The following NLGN1 variants were observed in gnomAD, a reference collection of about 807,000 sequenced individuals.
The protein encoded by NLGN1 is neuroligin-1.
A neutral mutation model predicts 65.5 loss-of-function variants in NLGN1; 12 were observed. The observed-to-expected ratio is 0.18, with a 90% CI of 0.12 to 0.30. NLGN1 has a LOEUF of 0.30. NLGN1 is among the 10% of genes least tolerant of loss of function. NLGN1 has a pLI of 1.00. For synonymous variants in NLGN1, 350 were observed against 359.5 expected (o/e 0.97, Z 0.30); for missense variants, 750 against 1,007.1 (o/e 0.74, Z 3.46).
chr3:173,453,239 C>T (rs1173205616), intron 2 of NLGN1, among the ~76,000 whole-genome samples: 1 of 151,746 alleles, frequency 6.6e-6, no homozygotes, highest in Admixed American at 6.6e-5. Context: ...AGGTGTATAC[C>T]AATACACCTG....
chr3:173,861,223 A>C (rs1251037749), intron 4 of NLGN1, among the ~76,000 whole-genome samples: 1 of 152,150 alleles, frequency 6.6e-6, no homozygotes, highest in Non-Finnish European at 1.5e-5. Context: ...AAATGGTAGA[A>C]AATAGATGAG....
At chr3:174,168,690 C>A (rs1727980387) in intron 4 of NLGN1, among the ~76,000 whole-genome samples, 2 of 152,100 alleles carry the variant, frequency 1.3e-5, no homozygotes, top group Admixed American at 1.3e-4. Context: ...GACGACTGTA[C>A]AATGGTCTGA....
intron 4 of NLGN1, among the ~76,000 whole-genome samples, chr3:173,809,780 C>T (rs1217523262): frequency 6.6e-6 from 1 of 152,086 alleles, no homozygotes; most frequent in African/African-American, 2.4e-5. Flanking sequence ...TTTTAAATGC[C>T]GCACTGTGAG....
rs116659661 is a variant in NLGN1, at chr3:174,056,222, A to G, written c.647-219093A>G. Among the ~76,000 whole-genome samples, 951 of 152,064 alleles carry G rather than the reference A, an allele frequency of 6.3e-3. 23 individuals carry two copies. Among genetic ancestry groups the G allele is most frequent in the East Asian group, 0.037 (192 of 5,160 alleles). ...TCTACAGCTATTTATTCAGAAATAC[A>G]TTTTTTATATTTTGCCGTGATGTAA... is the stretch of plus-strand genomic sequence containing the variant. On this transcript the variant is annotated intron_variant, in intron 4 of 6. Transcript: ENST00000457714.
At chr3:174,177,494 A>G (rs527822294) in intron 4 of NLGN1, among the ~76,000 whole-genome samples, 3 of 152,132 alleles carry the variant, frequency 2.0e-5, no homozygotes, top group South Asian at 2.1e-4. Flanking sequence ...TTAGTTTTAC[A>G]TTAAGTATAT....
intron 2 of NLGN1, among the ~76,000 whole-genome samples, chr3:173,537,255 C>A (rs1021611704): frequency 1.3e-5 from 2 of 152,160 alleles, no homozygotes; most frequent in Non-Finnish European, 2.9e-5. Context: ...CTCCTTAAGT[C>A]ACACTTAATC....
rs190267438 is a variant in NLGN1 at position 173,914,973 on chromosome 3, G to A, written c.646+107141G>A. The A allele has an allele frequency of 8.5e-5, 13 of 152,214 alleles. No individual in the cohort carries two copies. In the East Asian group the frequency reaches 9.7e-4, roughly 11 times the overall value. The allele number at this position is 152,214 out of a possible 1,614,324, so 9.4% of individuals were successfully genotyped here. ...ATTTTCAACGGCGAATAATCCTTGCGGTTTTTAAAACAATTGCTGCAATTA... is the reference window on the plus strand; with the variant it reads ...ATTTTCAACGGCGAATAATCCTTGCAGTTTTTAAAACAATTGCTGCAATTA... On this transcript the variant is annotated intron_variant, in intron 4 of 6. Coordinates refer to ENST00000457714, the Ensembl canonical transcript of NLGN1.
intron 4 of NLGN1, among the ~76,000 whole-genome samples, chr3:174,180,069 T>A (rs139047325): frequency 7.9e-5 from 12 of 152,296 alleles, no homozygotes; most frequent in Non-Finnish European, 1.3e-4. Flanking sequence ...AAGCACTATT[T>A]ATGCCCCTAG....
intron 2 of NLGN1, among the ~76,000 whole-genome samples, chr3:173,600,473 T>A (rs1750302456): frequency 6.6e-6 from 1 of 151,962 alleles, no homozygotes; most frequent in Admixed American, 6.6e-5. Flanking sequence ...AGATATTTTT[T>A]AAAACACATA....
chr3:173,523,922 CTTT>C (rs34649982), intron 2 of NLGN1, among the ~76,000 whole-genome samples: 3 of 128,658 alleles, frequency 2.3e-5, no homozygotes, highest in Non-Finnish European at 1.6e-5. Flanking sequence ...TCTTTCTTTC[CTTT>C]TTTTTTTTTT....
intron 3 of NLGN1, among the ~76,000 whole-genome samples, chr3:173,791,742 T>G (rs1321387408): frequency 6.6e-6 from 1 of 152,080 alleles, no homozygotes; most frequent in South Asian, 2.1e-4. Context: ...TATTGCTATG[T>G]GACTTATTGT....
chr3:174,110,027 T>C (rs1420230515), intron 4 of NLGN1, among the ~76,000 whole-genome samples: 1 of 150,956 alleles, frequency 6.6e-6, no homozygotes, highest in Non-Finnish European at 1.5e-5. Context: ...TGTTCCACAC[T>C]TTTTTTCTTT....
chr3:173,614,865 G>A (rs942421769), intron 3 of NLGN1, among the ~76,000 whole-genome samples: 2 of 151,952 alleles, frequency 1.3e-5, no homozygotes, highest in Admixed American at 1.3e-4. Context: ...GGGAGCTTCT[G>A]TTGCCTTATT....
intron 2 of NLGN1, among the ~76,000 whole-genome samples, chr3:173,534,518 T>C (rs77824645): frequency 0.012 from 1,799 of 152,330 alleles, 18 homozygotes; most frequent in Non-Finnish European, 0.019. Context: ...ATGGCAATTA[T>C]TACATATGCC....
intron 3 of NLGN1, among the ~76,000 whole-genome samples, chr3:173,610,014 T>G (rs1752041230): frequency 6.6e-6 from 1 of 151,812 alleles, no homozygotes; most frequent in African/African-American, 2.4e-5. Context: ...GACTTGATAT[T>G]TTTAAAAAGT....
intron 1 of NLGN1, among the ~76,000 whole-genome samples, chr3:173,400,730 A>C (rs1267002356): frequency 2.0e-5 from 3 of 152,208 alleles, no homozygotes; most frequent in Admixed American, 1.3e-4. Context: ...CTCACTGCAC[A>C]GTGAATTGCC....
intron 3 of NLGN1, among the ~76,000 whole-genome samples, chr3:173,760,888 A>G (rs760130703): frequency 6.6e-6 from 1 of 152,038 alleles, no homozygotes; most frequent in East Asian, 1.9e-4. Context: ...TAGCTCATTA[A>G]TATGTTAGTA....
At chr3:173,680,354 T>C (rs1691701696) in intron 3 of NLGN1, among the ~76,000 whole-genome samples, 1 of 152,110 alleles carries the variant, frequency 6.6e-6, no homozygotes, top group South Asian at 2.1e-4. Context: ...GAGGTGCCAT[T>C]TTTAGGAATG....
chr3:174,152,948 A>T (rs954870794), intron 4 of NLGN1, among the ~76,000 whole-genome samples: 1 of 152,122 alleles, frequency 6.6e-6, no homozygotes. Context: ...CTATCTTTTC[A>T]TGCACTTAGA....
Sources: allele counts gnomAD v4.1 joint callset (sites outside exome capture counted in the v4.1 genomes callset), GRCh38; gene constraint gnomAD v4.1.1; transcripts MANE v1.5; gene names NCBI Gene and HGNC (gene_info 2026-07-23, HGNC 2026-07-21).